The following PRKAR2B variants were observed in gnomAD, a reference collection of about 807,000 sequenced individuals.
PRKAR2B encodes protein kinase cAMP-dependent type II regulatory subunit beta, also known as cAMP-dependent protein kinase type II-beta regulatory subunit.
A neutral mutation model predicts 49.9 loss-of-function variants in PRKAR2B; 14 were observed. The observed-to-expected ratio is 0.28, with a 90% CI of 0.19 to 0.44. PRKAR2B has a LOEUF of 0.44. Ranked by LOEUF, PRKAR2B falls within the 20% of genes least tolerant of loss-of-function variation. PRKAR2B has a pLI of 1.00. For missense variants in PRKAR2B, 393 were observed against 537.9 expected, an observed-to-expected ratio of 0.73 and a Z score of 2.67; for synonymous variants, 196 against 197.7, an observed-to-expected ratio of 0.99 and a Z score of 0.07.
At chr7:107,139,056 C>T (rs1394301949) in intron 4 of PRKAR2B, among the ~76,000 whole-genome samples, 2 of 152,086 alleles carry the variant, frequency 1.3e-5, no homozygotes, top group African/African-American at 4.8e-5. Flanking sequence ...CTCTGATTTG[C>T]TCTTTTCCTA....
At chr7:107,075,431 A>C (rs1584413803) in intron 2 of PRKAR2B, among the ~76,000 whole-genome samples, 1 of 139,600 alleles carries the variant, frequency 7.2e-6, no homozygotes, top group Non-Finnish European at 1.6e-5. Flanking sequence ...ACAGGATTTC[A>C]CTCTGTCACC....
chr7:107,070,382 C>T, intron 2 of PRKAR2B, 66 bp downstream of exon 2: 1 of 1,352,566 alleles, frequency 7.4e-7, no homozygotes, highest in Non-Finnish European at 1.0e-6. Flanking sequence ...TAATATTGGA[C>T]AAGAAGGTAC....
At chr7:107,093,572 T>A (rs1293242059) in intron 2 of PRKAR2B, among the ~76,000 whole-genome samples, 1 of 152,040 alleles carries the variant, frequency 6.6e-6, no homozygotes, top group African/African-American at 2.4e-5. Flanking sequence ...GCAGATTTGT[T>A]ACATATGTAT....
At chr7:107,057,257 A>G (rs1192422025) in intron 1 of PRKAR2B, among the ~76,000 whole-genome samples, 1 of 152,002 alleles carries the variant, frequency 6.6e-6, no homozygotes, top group Non-Finnish European at 1.5e-5. Flanking sequence ...CCGCTTACCA[A>G]ATACCTTTGC....
chr7:107,154,852 A>C (rs945768862), intron 8 of PRKAR2B, among the ~76,000 whole-genome samples: 10 of 152,214 alleles, frequency 6.6e-5, no homozygotes, highest in Non-Finnish European at 5.9e-5. Context: ...GTAGAGCAAC[A>C]CTTTTCTTTT....
chr7:107,098,745 C>T (rs902143699), intron 2 of PRKAR2B, among the ~76,000 whole-genome samples: 4 of 152,176 alleles, frequency 2.6e-5, no homozygotes, highest in African/African-American at 7.2e-5. Context: ...AGTCAGGACC[C>T]TCAGCTGCAG....
At chr7:107,154,575 G>A (rs565276091) in intron 8 of PRKAR2B, among the ~76,000 whole-genome samples, 64 of 152,204 alleles carry the variant, frequency 4.2e-4, no homozygotes, top group Non-Finnish European at 8.5e-4. Flanking sequence ...TGTCTTTTAA[G>A]CATTTATAAA....
chr7:107,044,766 G>C lies in PRKAR2B; in HGVS notation c.-142G>C. On this transcript the variant is annotated 5_prime_UTR_variant, in exon 1 of 11. Transcript: ENST00000265717. ...CCGGGAGCCGCGGGCCGGGCCAGCC[G>C]GGCCGCCGGGGCCCAGTGCGCCGCG... is the stretch of plus-strand genomic sequence containing the variant. 2.8e-6 allele frequency: 1 copy of C among 359,010 alleles called. No homozygotes were observed. The highest frequency in any genetic ancestry group is 3.9e-6 in the Non-Finnish European group (1 of 253,774). 22.2% of individuals were successfully genotyped at this position (359,010 alleles called of 1,614,324 possible).
At chr7:107,047,080 G>A (rs994728063) in intron 1 of PRKAR2B, among the ~76,000 whole-genome samples, 2 of 152,036 alleles carry the variant, frequency 1.3e-5, no homozygotes, top group African/African-American at 4.8e-5. Context: ...TGCTCAGTGT[G>A]ACTTAAACAA....
At chr7:107,123,282 C>T (rs1795421305) in intron 3 of PRKAR2B, among the ~76,000 whole-genome samples, 1 of 152,188 alleles carries the variant, frequency 6.6e-6, no homozygotes, top group Admixed American at 6.5e-5. Context: ...TGAATTTTAG[C>T]TGCCATTTAA....
chr7:107,094,529 G>GTCAA, intron 2 of PRKAR2B, among the ~76,000 whole-genome samples: 1 of 152,002 alleles, frequency 6.6e-6, no homozygotes, highest in Non-Finnish European at 1.5e-5. Flanking sequence ...GCACTTGTTT[G>GTCAA]TTTTGGCTTT....
intron 1 of PRKAR2B, among the ~76,000 whole-genome samples, chr7:107,049,743 A>G (rs778081059): frequency 2.0e-5 from 3 of 152,216 alleles, no homozygotes; most frequent in East Asian, 1.9e-4. Flanking sequence ...AATGTTATAC[A>G]GTAATAAAAT....
intron 2 of PRKAR2B, among the ~76,000 whole-genome samples, chr7:107,118,143 A>G (rs1404784829): frequency 6.6e-6 from 1 of 152,206 alleles, no homozygotes; most frequent in Non-Finnish European, 1.5e-5. Flanking sequence ...GTGCCCATCC[A>G]GAGATAGAGC....
chr7:107,052,195 G>A (rs1793819414), intron 1 of PRKAR2B, among the ~76,000 whole-genome samples: 1 of 152,130 alleles, frequency 6.6e-6, no homozygotes, highest in African/African-American at 2.4e-5. Context: ...GATGCGGGCG[G>A]ATCACCTGAG....
At chr7:107,066,098 C>CAGT (rs1794131719) in intron 1 of PRKAR2B, among the ~76,000 whole-genome samples, 1 of 152,128 alleles carries the variant, frequency 6.6e-6, no homozygotes, top group Non-Finnish European at 1.5e-5. Context: ...TGTTCCACTG[C>CAGT]AGTAGTGTTG....
At chr7:107,116,430 G>A (rs1281430563) in intron 2 of PRKAR2B, among the ~76,000 whole-genome samples, 2 of 152,028 alleles carry the variant, frequency 1.3e-5, no homozygotes, top group Non-Finnish European at 2.9e-5. Flanking sequence ...TTGATTTCTA[G>A]ACTGTTTCTA....
intron 1 of PRKAR2B, among the ~76,000 whole-genome samples, chr7:107,057,597 C>G (rs1164627215): frequency 6.6e-6 from 1 of 152,106 alleles, no homozygotes; most frequent in African/African-American, 2.4e-5. Flanking sequence ...TGAAGCCTGA[C>G]TCTGCCATTT....
chr7:107,135,501 G>C lies in PRKAR2B; in HGVS notation c.481-5346G>C, dbSNP rs574285170. ...GTAGAAAATGGGAAAGGCTTCCAGA[G>C]CTAGTAAGTGATTATAACAAGGTTG... On this transcript the variant is annotated intron_variant, in intron 4 of 10. Coordinates refer to ENST00000265717, the MANE Select transcript of PRKAR2B (RefSeq NM_002736.3). Among the ~76,000 whole-genome samples the C allele has an allele frequency of 3.3e-5, 5 of 152,196 alleles. No homozygotes were observed. In the South Asian group the frequency reaches 1.0e-3, roughly 32 times the overall value.
At chr7:107,131,200 G>A (rs1046177226) in intron 4 of PRKAR2B, among the ~76,000 whole-genome samples, 2 of 152,138 alleles carry the variant, frequency 1.3e-5, no homozygotes, top group Non-Finnish European at 2.9e-5. Context: ...ATGCTTCAGC[G>A]GGGACTAAGT....
Sources: allele counts gnomAD v4.1 joint callset (sites outside exome capture counted in the v4.1 genomes callset), GRCh38; gene constraint gnomAD v4.1.1; transcripts MANE v1.5; gene names NCBI Gene and HGNC (gene_info 2026-07-23, HGNC 2026-07-21).